The following ANO3 variants were observed in gnomAD, a reference collection of about 807,000 sequenced individuals.
ANO3 encodes anoctamin-3.
ANO3 carries 99 observed loss-of-function variants against 144.8 expected under a neutral mutation model. The ratio of observed to expected loss-of-function variants is 0.68; its 90% confidence interval spans 0.58 to 0.81. The LOEUF (loss-of-function observed/expected upper bound fraction) is 0.81, where lower values mean the gene tolerates loss of function less well. Among genes scored for constraint, ANO3 ranks in the 30% least tolerant of loss-of-function variants. ANO3 has a pLI of 0.00. For missense variants in ANO3, 905 were observed against 1,202.2 expected (o/e 0.75, Z 3.66); for synonymous variants, 414 against 392.6 (o/e 1.05, Z -0.64).
chr11:26,371,426 G>C (rs1423026419), intron 1 of ANO3, among the ~76,000 whole-genome samples: 1 of 152,220 alleles, frequency 6.6e-6, no homozygotes, highest in Non-Finnish European at 1.5e-5. Flanking sequence ...GTGTGGAAAA[G>C]AAATGTAGGC....
intron 1 of ANO3, among the ~76,000 whole-genome samples, chr11:26,416,805 C>T (rs748139236): frequency 5.9e-5 from 9 of 152,054 alleles, no homozygotes; most frequent in Non-Finnish European, 1.3e-4. Flanking sequence ...TGGCCTCCTA[C>T]ATCTGTTTCT....
chr11:26,225,943 T>A (rs1429529144), intron 1 of ANO3, among the ~76,000 whole-genome samples: 4 of 152,144 alleles, frequency 2.6e-5, no homozygotes, highest in Admixed American at 2.6e-4. Context: ...CATACATTAG[T>A]AGAAGCCACT....
chr11:26,364,381 A>T (rs1229467248), intron 1 of ANO3, among the ~76,000 whole-genome samples: 2 of 152,228 alleles, frequency 1.3e-5, no homozygotes, highest in Non-Finnish European at 2.9e-5. Flanking sequence ...TATCATTTCC[A>T]TTAATCCAGC....
chr11:26,206,230 A>G (rs1173879222), intron 1 of ANO3, among the ~76,000 whole-genome samples: 2 of 152,194 alleles, frequency 1.3e-5, no homozygotes, highest in African/African-American at 4.8e-5. Context: ...TGTAGCATCC[A>G]GTTTATACTC....
At chr11:26,476,225 G>T (rs554522579) in intron 4 of ANO3, among the ~76,000 whole-genome samples, 2 of 152,118 alleles carry the variant, frequency 1.3e-5, no homozygotes, top group Non-Finnish European at 2.9e-5. Context: ...TAGTCTAGTG[G>T]AGGAATAAGA....
At chr11:26,491,728 C>A in intron 4 of ANO3, among the ~76,000 whole-genome samples, 1 of 152,276 alleles carries the variant, frequency 6.6e-6, no homozygotes, top group African/African-American at 2.4e-5. Context: ...CCCATACGCA[C>A]AAGGAAATAG....
intron 1 of ANO3, among the ~76,000 whole-genome samples, chr11:26,388,482 A>C (rs1856791867): frequency 1.3e-5 from 2 of 152,164 alleles, no homozygotes; most frequent in Non-Finnish European, 2.9e-5. Context: ...TTATCTTTAT[A>C]ATACCCCTTA....
At chr11:26,642,477 A>C (rs4998799) in intron 22 of ANO3, among the ~76,000 whole-genome samples, 1 of 150,556 alleles carries the variant, frequency 6.6e-6, no homozygotes, top group Non-Finnish European at 1.5e-5. Context: ...TCAGCCTCTC[A>C]AGTAGCTGGG....
chr11:26,400,233 T>C (rs1239146089), intron 1 of ANO3, among the ~76,000 whole-genome samples: 1 of 152,030 alleles, frequency 6.6e-6, no homozygotes, highest in African/African-American at 2.4e-5. Context: ...TTATTATGGG[T>C]TATGAGCTTA....
At chr11:26,635,309 G>C (rs986891404) in intron 20 of ANO3, among the ~76,000 whole-genome samples, 2 of 151,758 alleles carry the variant, frequency 1.3e-5, no homozygotes, top group Non-Finnish European at 2.9e-5. Context: ...TTTATTTACA[G>C]ACCCCAGGAA....
chr11:26,333,441 C>T (rs1386590709), intron 1 of ANO3, among the ~76,000 whole-genome samples: 1 of 151,942 alleles, frequency 6.6e-6, no homozygotes, highest in Non-Finnish European at 1.5e-5. Flanking sequence ...GCCACCAAGC[C>T]CAGCTAATTT....
At chr11:26,198,253 T>C (rs1201602106) in intron 1 of ANO3, among the ~76,000 whole-genome samples, 4 of 152,206 alleles carry the variant, frequency 2.6e-5, no homozygotes. Context: ...ATTCAGGAAA[T>C]GAATTAAATT....
At chr11:26,298,917 T>C (rs1270926736) in intron 1 of ANO3, among the ~76,000 whole-genome samples, 2 of 152,246 alleles carry the variant, frequency 1.3e-5, no homozygotes, top group East Asian at 1.9e-4. Flanking sequence ...GAGAGATCAT[T>C]TGGGAATGTC....
chr11:26,258,223 T>C (rs1048880598), intron 1 of ANO3, among the ~76,000 whole-genome samples: 19 of 152,188 alleles, frequency 1.2e-4, no homozygotes, highest in African/African-American at 4.6e-4. Context: ...CCCCAAAGTG[T>C]AATACTCTTT....
chr11:26,504,880 C>T (rs1393744618), intron 4 of ANO3, among the ~76,000 whole-genome samples: 4 of 151,814 alleles, frequency 2.6e-5, no homozygotes, highest in African/African-American at 4.8e-5. Context: ...GGCGTGGTGG[C>T]GGGCGCCTGT....
chr11:26,509,545 T>G (rs1008178567), intron 5 of ANO3, among the ~76,000 whole-genome samples: 9 of 152,034 alleles, frequency 5.9e-5, no homozygotes, highest in Non-Finnish European at 1.0e-4. Context: ...ACTTCTGACC[T>G]CAAGTGATCT....
chr11:26,558,729 CA>C lies in ANO3; in HGVS notation c.1387-989del, dbSNP rs367583670. 1.8e-4 allele frequency among the ~76,000 whole-genome samples: 28 copies of C among 152,218 alleles called. 1 individual carries two copies. The East Asian group carries it at 4.8e-3, about 26-fold the overall frequency. On this transcript the variant is annotated intron_variant, in intron 13 of 26. Coordinates refer to ENST00000256737, the MANE Select transcript of ANO3 (RefSeq NM_031418.4). Reference sequence around the variant, plus strand: ...GATGACTTGCTTTACATATATTTTGCAGTGTGTTCCAGATGTTACAACTGAA... The same window carrying C: ...GATGACTTGCTTTACATATATTTTGCGTGTGTTCCAGATGTTACAACTGAA...
chr11:26,507,141 G>A (rs1472119503), intron 4 of ANO3, among the ~76,000 whole-genome samples: 2 of 152,130 alleles, frequency 1.3e-5, no homozygotes, highest in Middle Eastern at 3.2e-3. Context: ...TTGATCTTGG[G>A]CAATGTACTG....
chr11:26,376,843 A>G (rs1856425611), intron 1 of ANO3, among the ~76,000 whole-genome samples: 1 of 152,164 alleles, frequency 6.6e-6, no homozygotes, highest in African/African-American at 2.4e-5. Flanking sequence ...GGGAACTGGT[A>G]TTATTTAATT....
Sources: gnomAD v4.1 joint callset for allele counts (sites outside exome capture counted in the v4.1 genomes callset) on GRCh38, gnomAD v4.1.1 for gene constraint, MANE v1.5 for transcripts, NCBI Gene and HGNC (gene_info 2026-07-23, HGNC 2026-07-21) for gene names.